ZFYVE9: variants seen among roughly 807,000 people sequenced by gnomAD.
ZFYVE9 encodes zinc finger FYVE-type containing 9, also known as zinc finger FYVE domain-containing protein 9.
Under a neutral mutation model 126.7 loss-of-function variants are expected in ZFYVE9, and 43 were observed. The observed-to-expected ratio is 0.34, with a 90% CI of 0.27 to 0.44. The LOEUF (loss-of-function observed/expected upper bound fraction) is 0.44. ZFYVE9 is among the 20% of genes least tolerant of loss of function. The pLI is 1.00. For missense variants in ZFYVE9, 1,476 were observed against 1,697.0 expected (o/e 0.87, Z 2.29); for synonymous variants, 521 against 597.4 (o/e 0.87, Z 1.87).
chr1:52,332,197 A>AT (rs200587340), intron 13 of ZFYVE9, among the ~76,000 whole-genome samples: 2,538 of 146,550 alleles, frequency 0.017, 76 homozygotes, highest in East Asian at 0.12. Context: ...TGGCCCATGA[A>AT]TTTTTTTTTT....
chr1:52,258,842 A>ATGGG (rs951136613), intron 4 of ZFYVE9, among the ~76,000 whole-genome samples: 2 of 150,986 alleles, frequency 1.3e-5, no homozygotes, highest in Non-Finnish European at 2.9e-5. Flanking sequence ...ATTGAGAAAG[A>ATGGG]TGGGTATTCT....
rs956859947 is a variant in ZFYVE9, at chr1:52,268,546, A to T, written c.2539A>T (p.Thr847Ser). The T allele has an allele frequency of 4.3e-6, 7 of 1,614,234 alleles. No homozygotes were observed. Among genetic ancestry groups the T allele is most frequent in the Non-Finnish European group, 5.9e-6 (7 of 1,180,040 alleles). Reference protein sequence around the residue: ...NGEVADAAKLTMNGTSSAGTL... With the variant: ...NGEVADAAKLSMNGTSSAGTL... ...AGAAGTTGCTGATGCAGCCAAATTA[A>T]CAATGAATGGAACTTCCTCTGCAGG... The change falls in exon 7 of 19, where the codon ACA (threonine) becomes TCA (serine). Residue 847 changes from threonine to serine, a missense_variant. This residue lies in a region of ZFYVE9 where 669 missense variants were observed against 902.4 expected (regional missense o/e 0.74). Coordinates refer to ENST00000287727, the MANE Select transcript of ZFYVE9 (RefSeq NM_004799.4).
intron 10 of ZFYVE9, 40 bp downstream of exon 10, chr1:52,281,856 T>C: frequency 6.2e-7 from 1 of 1,606,602 alleles, no homozygotes; most frequent in Non-Finnish European, 8.5e-7. Context: ...CCTTTGTAGA[T>C]GACAAAAAAA....
At chr1:52,208,398 T>G (rs1033912247) in intron 1 of ZFYVE9, among the ~76,000 whole-genome samples, 1 of 152,206 alleles carries the variant, frequency 6.6e-6, no homozygotes, top group Admixed American at 6.5e-5. Context: ...TTTTCTTTCT[T>G]TAAAGGTAAA....
At chr1:52,160,654 T>TC (rs1274092943) in intron 1 of ZFYVE9, 1 of 608,774 alleles carries the variant, frequency 1.6e-6, no homozygotes, top group Non-Finnish European at 3.0e-6. Flanking sequence ...GACCTCGTGA[T>TC]CCGCCTGCGT....
rs58602754 is a variant in ZFYVE9 at position 52,252,344 on chromosome 1, T to TTTTTG, written c.2179-11401_2179-11397dup. ...TGTTGTTGTTGTTTGTTTTGGGGTT[T>TTTTTG]TTTTGTTTTGTTTTGTTTTGTTTTG... On this transcript the variant is annotated intron_variant, in intron 4 of 18. Transcript: ENST00000287727. 3.3e-3 allele frequency: 514 copies of TTTTTG among 155,958 alleles called. 2 individuals are homozygous for TTTTTG. The highest frequency in any genetic ancestry group is 7.4e-3 in the South Asian group (38 of 5,104). The allele number at this position is 155,958 out of a possible 1,614,324, so 9.7% of individuals were successfully genotyped here.
chr1:52,169,899 T>G (rs571215423), intron 1 of ZFYVE9, among the ~76,000 whole-genome samples: 15 of 152,218 alleles, frequency 9.9e-5, no homozygotes, highest in Admixed American at 3.3e-4. Flanking sequence ...ATACATTTGT[T>G]GAATGGATTT....
Position 52,237,702 on chromosome 1 carries a change from T to A in ZFYVE9, c.285T>A (p.Asn95Lys). ...ACTGTGCTAATGGACAGGACTGTAA[T>A]CTAAATCCAGAGATTGCCACAATGT... The part of the protein sequence containing the change: ...EDHCANGQDC[N>K]LNPEIATMWI... Residue 95 changes from asparagine to lysine, a missense_variant, in exon 4 of 19, where the codon AAT (asparagine) becomes AAA (lysine). Asn to Lys is a moderately conservative substitution (Grantham distance 94, BLOSUM62 0). Coordinates refer to ENST00000287727, the MANE Select transcript of ZFYVE9 (RefSeq NM_004799.4). 1 of 1,614,098 alleles carries A rather than the reference T, an allele frequency of 6.2e-7. No homozygotes were observed. The highest frequency in any genetic ancestry group is 1.1e-5 in the South Asian group (1 of 91,080).
At chr1:52,181,259 T>A (rs1644699426) in intron 1 of ZFYVE9, among the ~76,000 whole-genome samples, 2 of 152,218 alleles carry the variant, frequency 1.3e-5, no homozygotes, top group Non-Finnish European at 2.9e-5. Context: ...GTTTTCGTAT[T>A]TTTTTGGTGG....
intron 4 of ZFYVE9, among the ~76,000 whole-genome samples, chr1:52,247,658 G>A (rs928416366): frequency 6.6e-6 from 1 of 152,040 alleles, no homozygotes; most frequent in African/African-American, 2.4e-5. Flanking sequence ...CACCATGCCT[G>A]GCTAATTTTT....
At chr1:52,170,378 G>C (rs1161197828) in intron 1 of ZFYVE9, among the ~76,000 whole-genome samples, 2 of 151,872 alleles carry the variant, frequency 1.3e-5, no homozygotes, top group African/African-American at 4.8e-5. Context: ...CTAAAGGTTT[G>C]TCAATTTTAT....
At chr1:52,324,252 A>AACAC (rs11468199) in intron 13 of ZFYVE9, among the ~76,000 whole-genome samples, 53 of 150,182 alleles carry the variant, frequency 3.5e-4, no homozygotes, top group African/African-American at 1.2e-3. Context: ...CTGTCTCAAA[A>AACAC]ACACACACAC....
chr1:52,186,614 A>G (rs1242840348), intron 1 of ZFYVE9, among the ~76,000 whole-genome samples: 1 of 152,232 alleles, frequency 6.6e-6, no homozygotes, highest in Non-Finnish European at 1.5e-5. Flanking sequence ...AGCTTCAGCA[A>G]AGTTTCAGGA....
intron 10 of ZFYVE9, among the ~76,000 whole-genome samples, chr1:52,282,279 G>T (rs1338965860): frequency 1.3e-5 from 2 of 152,108 alleles, no homozygotes; most frequent in African/African-American, 4.8e-5. Flanking sequence ...AAGCATAGAG[G>T]TTAGAAGCTG....
chr1:52,259,827 T>G (rs1026083198), intron 4 of ZFYVE9, among the ~76,000 whole-genome samples: 4 of 152,030 alleles, frequency 2.6e-5, no homozygotes, highest in Non-Finnish European at 5.9e-5. Context: ...CCTACTTCCA[T>G]TCCAATCTCA....
chr1:52,188,418 C>G lies in ZFYVE9; in HGVS notation c.-142-27951C>G, dbSNP rs151024771. 2.5e-3 allele frequency among the ~76,000 whole-genome samples: 373 copies of G among 152,216 alleles called. 12 individuals carry two copies. The South Asian group carries it at 0.042, about 17-fold the overall frequency. On this transcript the variant is annotated intron_variant, in intron 1 of 18. Transcript: ENST00000287727. ...GTGACAAAATAATTTGTACAATAAA[C>G]CCCTGTGACATGAGTTTACCTGTAT...
rs542303364 is a variant in ZFYVE9 at position 52,205,314 on chromosome 1, G to A, written c.-142-11055G>A. ...GATCTTGAACTTCTGAGCTTAAGCT[G>A]TCTGACCACCTCAGCTTCCCAGGGT... On this transcript the variant is annotated intron_variant, in intron 1 of 18. Coordinates refer to ENST00000287727, the MANE Select transcript of ZFYVE9 (RefSeq NM_004799.4). 3.3e-5 allele frequency among the ~76,000 whole-genome samples: 5 copies of A among 152,040 alleles called. No individual in the cohort carries two copies. In the South Asian group the frequency reaches 6.2e-4, roughly 19 times the overall value.
chr1:52,182,392 T>A (rs1161166485), intron 1 of ZFYVE9, among the ~76,000 whole-genome samples: 1 of 152,084 alleles, frequency 6.6e-6, no homozygotes, highest in Non-Finnish European at 1.5e-5. Flanking sequence ...ACTTTTCATT[T>A]TGTTCTGTAC....
intron 4 of ZFYVE9, among the ~76,000 whole-genome samples, chr1:52,243,764 A>T (rs1645357876): frequency 7.1e-6 from 1 of 140,284 alleles, no homozygotes; most frequent in South Asian, 2.2e-4. Context: ...CATCTCCACT[A>T]AAAAAAAAAA....
Sources: gnomAD v4.1 joint callset for allele counts (sites outside exome capture counted in the v4.1 genomes callset) on GRCh38, gnomAD v4.1.1 for gene constraint, gnomAD v4.1.1 regional missense constraint, MANE v1.5 for transcripts, NCBI Gene and HGNC (gene_info 2026-07-23, HGNC 2026-07-21) for gene names.